Variants in NKAP observed in about 807,000 individuals in gnomAD.
The protein encoded by NKAP is NFKB activating protein, also known as NF-kappa-B-activating protein.
In NKAP, 4 loss-of-function variants were observed where a neutral mutation model predicts 35.6. That is an observed-to-expected ratio of 0.11 (90% CI 0.06 to 0.26). NKAP has a LOEUF of 0.26. NKAP is among the 10% of genes least tolerant of loss of function. The pLI, the probability that NKAP is intolerant of heterozygous loss-of-function variation, is 1.00. For synonymous variants in NKAP, 106 were observed against 119.2 expected (o/e 0.89, Z 0.72); for missense variants, 238 against 321.9 (o/e 0.74, Z 1.99).
chrX:119,943,148 C>T, intron 1 of NKAP, 72 bp downstream of exon 1: 2 of 1,107,733 alleles, frequency 1.8e-6, no homozygotes, highest in South Asian at 2.2e-5. Context: ...TAGTCAGAAG[C>T]GGAATGAATG....
chrX:119,925,349 G>T lies in NKAP; in HGVS notation c.1119C>A (p.Ile373=). The T allele has an allele frequency of 1.7e-6, 2 of 1,208,267 alleles. No homozygotes were observed. Among genetic ancestry groups the T allele is most frequent in the Non-Finnish European group, 2.2e-6 (2 of 894,758 alleles). Reference sequence around the variant, plus strand: ...GGGCTCTCTTCTCATCAGCACTGTAGATCTGGTTCTCTTTTCGCAGTCGCA... The same window carrying T: ...GGGCTCTCTTCTCATCAGCACTGTATATCTGGTTCTCTTTTCGCAGTCGCA... ...EAVRLRKENQ[I]YSADEKRALA... is the part of the protein sequence containing the mutation. The change falls in exon 9 of 9, where the codon ATC becomes ATA. Residue 373 remains isoleucine, a synonymous_variant. Coordinates refer to ENST00000371410, the MANE Select transcript of NKAP (RefSeq NM_024528.4).
At chrX:119,931,543 A>G (rs180718274) in intron 7 of NKAP, among the ~76,000 whole-genome samples, 16 of 112,036 alleles carry the variant, frequency 1.4e-4, no homozygotes, top group Admixed American at 1.3e-3. Flanking sequence ...AAAAAAAGAA[A>G]AAAGAGAAAA....
intron 3 of NKAP, 79 bp from the exon 4 acceptor site, chrX:119,936,510 G>C (rs2056767264): frequency 1.0e-6 from 1 of 964,495 alleles, no homozygotes; most frequent in East Asian, 3.3e-5. Flanking sequence ...TGGGCAATTT[G>C]AGTAAAAGCA....
At chrX:119,929,584 TTTCTGTTA>T (rs2056731216) in intron 8 of NKAP, among the ~76,000 whole-genome samples, 1 of 112,219 alleles carries the variant, frequency 8.9e-6, no homozygotes. Flanking sequence ...TTATCATCTT[TTTCTGTTA>T]TTCAGTCTCA....
At chrX:119,939,620 C>T (rs2056782878) in intron 1 of NKAP, among the ~76,000 whole-genome samples, 1 of 111,099 alleles carries the variant, frequency 9.0e-6, no homozygotes, top group African/African-American at 3.3e-5. Flanking sequence ...GTCTTGCCGC[C>T]AGGTGCGGTG....
chrX:119,925,112 T>C lies in NKAP; in HGVS notation c.*108A>G, dbSNP rs2056704590. 3 of 791,028 alleles carry C rather than the reference T, an allele frequency of 3.8e-6. No individual in the cohort carries two copies. The South Asian group carries it at 7.1e-5, about 19-fold the overall frequency. 65.2% of individuals were successfully genotyped at this position (791,028 alleles called of 1,213,427 possible). A position where few individuals can be genotyped will look rare whatever the true frequency, so the allele number is the denominator to read the frequency against. The stretch of plus-strand genomic sequence containing the variant: ...TGAAAGAATTAAATAGAAGGCACAG[T>C]AGCACTGTAAAGCTTTCTCAGAACA... On this transcript the variant is annotated 3_prime_UTR_variant, in exon 9 of 9. Coordinates refer to ENST00000371410, the MANE Select transcript of NKAP (RefSeq NM_024528.4).
chrX:119,943,127 C>T (rs991387170), intron 1 of NKAP, 93 bp downstream of exon 1: 17 of 1,063,945 alleles, frequency 1.6e-5, no homozygotes, highest in Non-Finnish European at 2.1e-5. Context: ...GCAGAGTGAG[C>T]GAAATGCGAA....
At position 119,930,054 on chromosome X, in the gene NKAP, T is replaced by G; in HGVS notation, c.1035A>C (p.Ala345=). Residue 345 remains alanine, a synonymous_variant, in exon 8 of 9, where the codon GCA becomes GCC. Transcript: ENST00000371410. ...TTACATAACCTGAGCATTCAAATGA[T>G]GCAATTTCTTCACTTGTCAAGCCAA... ...GEIGLTSEEI[A]SFECSGYVMS... 1 of 1,208,864 alleles carries G rather than the reference T, an allele frequency of 8.3e-7. No individual in the cohort carries two copies. The highest frequency in any genetic ancestry group is 1.1e-6 in the Non-Finnish European group (1 of 894,494).
intron 8 of NKAP, among the ~76,000 whole-genome samples, chrX:119,928,418 T>C (rs2056725301): frequency 8.9e-6 from 1 of 112,437 alleles, no homozygotes; most frequent in Admixed American, 9.5e-5. Flanking sequence ...TGTCTGTTGC[T>C]GGTAAATAGA....
chrX:119,935,096 G>A (rs1437809105), intron 4 of NKAP, among the ~76,000 whole-genome samples: 1 of 111,613 alleles, frequency 9.0e-6, no homozygotes, highest in Non-Finnish European at 1.9e-5. Flanking sequence ...TAATGGAGGA[G>A]ACAGATAGGT....
chrX:119,942,997 G>C (rs775175082), intron 1 of NKAP: 8 of 393,029 alleles, frequency 2.0e-5, no homozygotes, highest in Non-Finnish European at 3.4e-5. Flanking sequence ...GAGGCGGAAG[G>C]GGGTAGCGGG....
At chrX:119,942,058 A>T (rs1183869159) in intron 1 of NKAP, among the ~76,000 whole-genome samples, 4 of 112,435 alleles carry the variant, frequency 3.6e-5, no homozygotes, top group East Asian at 2.8e-4. Flanking sequence ...TTATATGTTT[A>T]AAAAAATGAG....
rs1220342156 is a variant in NKAP, at chrX:119,938,804, T to C, written c.393A>G (p.Leu131=). ...EREESLRQKR[L]SERERIGELG... Reference sequence around the variant, plus strand: ...ATTCTCCAATTCTCTCTCTCTCACTTAATCTCCTAGCAGATAAAGACATGT... The same window carrying C: ...ATTCTCCAATTCTCTCTCTCTCACTCAATCTCCTAGCAGATAAAGACATGT... The change falls in exon 2 of 9, where the codon TTA becomes TTG. Residue 131 remains leucine (L), a synonymous_variant. Coordinates refer to ENST00000371410, the MANE Select transcript of NKAP (RefSeq NM_024528.4). 1 of 1,185,405 alleles carries C rather than the reference T, an allele frequency of 8.4e-7. No individual in the cohort carries two copies. Among genetic ancestry groups the C allele is most frequent in the Non-Finnish European group, 1.1e-6 (1 of 876,634 alleles).
chrX:119,927,187 C>T (rs1435976090), intron 8 of NKAP, among the ~76,000 whole-genome samples: 4 of 106,932 alleles, frequency 3.7e-5, no homozygotes, highest in Non-Finnish European at 7.7e-5. Context: ...ATAATCTCGG[C>T]TTATTGCAAC....
At chrX:119,943,084 T>G in intron 1 of NKAP, 136 bp downstream of exon 1, 1 of 848,449 alleles carries the variant, frequency 1.2e-6, no homozygotes, top group Non-Finnish European at 1.6e-6. Flanking sequence ...CGTGGGTGGA[T>G]TAAAGAAAGG....
intron 8 of NKAP, among the ~76,000 whole-genome samples, chrX:119,929,758 C>T (rs1383249171): frequency 9.0e-6 from 1 of 111,655 alleles, no homozygotes; most frequent in African/African-American, 3.3e-5. Context: ...TAAGCAAATA[C>T]CAACTAGGAA....
In NKAP at chrX:119,923,510, C is replaced by G; in HGVS notation, c.*1710G>C. 8.9e-6 allele frequency: 1 copy of G among 112,212 alleles called. No individual in the cohort carries two copies. Among genetic ancestry groups the G allele is most frequent in the South Asian group, 3.7e-4 (1 of 2,717 alleles). 9.2% of individuals were successfully genotyped at this position (112,212 alleles called of 1,213,427 possible). A position where few individuals can be genotyped will look rare whatever the true frequency, so the allele number is the denominator to read the frequency against. ...ACTGACTCATTATATTTTTCCTTAT[C>G]AAAACTCTTGACCATAGTTGACTCC... On this transcript the variant is annotated 3_prime_UTR_variant, in exon 9 of 9. Transcript: ENST00000371410.
chrX:119,927,002 A>G (rs950763248), intron 8 of NKAP, among the ~76,000 whole-genome samples: 2 of 93,138 alleles, frequency 2.1e-5, no homozygotes, highest in African/African-American at 7.8e-5. Flanking sequence ...TGGAGGTTGC[A>G]GTGAGCTGAG....
chrX:119,940,952 C>G (rs145423508), intron 1 of NKAP, among the ~76,000 whole-genome samples: 1,897 of 110,187 alleles, frequency 0.017, 49 homozygotes, highest in African/African-American at 0.059. Context: ...CCAGCCTGGC[C>G]AACATGGCGA....
Sources: gnomAD v4.1 joint callset for allele counts (sites outside exome capture counted in the v4.1 genomes callset) on GRCh38, gnomAD v4.1.1 for gene constraint, MANE v1.5 for transcripts, NCBI Gene and HGNC (gene_info 2026-07-23, HGNC 2026-07-21) for gene names.